ZFAT: variants seen among roughly 807,000 people sequenced by gnomAD.
ZFAT encodes the protein zinc finger protein ZFAT.
In ZFAT, 64 loss-of-function variants were observed where a neutral mutation model predicts 117.7. The observed-to-expected ratio is 0.54, with a 90% CI of 0.44 to 0.67. The LOEUF (loss-of-function observed/expected upper bound fraction) is 0.67. ZFAT is among the 30% of genes least tolerant of loss of function. The pLI, the probability that ZFAT is intolerant of heterozygous loss-of-function variation, is 0.00. For synonymous variants in ZFAT, 679 were observed against 615.0 expected, an observed-to-expected ratio of 1.10 and a Z score of -1.54; for missense variants, 1,433 against 1,584.5, an observed-to-expected ratio of 0.90 and a Z score of 1.62.
the ZFAT span, among the ~76,000 whole-genome samples, chr8:134,763,222 T>C: frequency 6.6e-6 from 1 of 152,224 alleles, no homozygotes; most frequent in African/African-American, 2.4e-5. Context: ...AAATTCCTAA[T>C]GGTTTTCTAT....
chr8:134,754,021 T>C, the ZFAT span, among the ~76,000 whole-genome samples: 7 of 152,206 alleles, frequency 4.6e-5, no homozygotes. Flanking sequence ...GTAACACAAG[T>C]GAATTGATGA....
chr8:134,669,145 C>T (rs12674636), intron 1 of ZFAT, among the ~76,000 whole-genome samples: 52,587 of 151,968 alleles, frequency 0.35, 9,466 homozygotes, highest in South Asian at 0.43. Flanking sequence ...CTGAAAGTGA[C>T]GGGGAGAATG....
the ZFAT span, among the ~76,000 whole-genome samples, chr8:134,772,676 G>C: frequency 2.0e-5 from 3 of 152,208 alleles, 1 homozygote. Context: ...CTGATGAAAA[G>C]GTGGCTACAT....
chr8:134,606,131 C>T (rs1295395005), intron 5 of ZFAT, among the ~76,000 whole-genome samples: 5 of 152,132 alleles, frequency 3.3e-5, no homozygotes, highest in Admixed American at 2.0e-4. Flanking sequence ...GAAAAGAGGC[C>T]CAGATGGCTG....
chr8:134,665,965 C>A (rs16905216), intron 1 of ZFAT, among the ~76,000 whole-genome samples: 52,537 of 151,976 alleles, frequency 0.35, 9,442 homozygotes, highest in South Asian at 0.43. Context: ...ACTCAAAATA[C>A]ACTACCTAAC....
intron 6 of ZFAT, among the ~76,000 whole-genome samples, chr8:134,600,977 T>A (rs780950988): frequency 6.6e-6 from 1 of 152,152 alleles, no homozygotes; most frequent in Non-Finnish European, 1.5e-5. Context: ...ATCTCTAAGT[T>A]CTACCGGCCC....
At chr8:134,653,835 C>T (rs1831431034) in intron 2 of ZFAT, among the ~76,000 whole-genome samples, 1 of 152,016 alleles carries the variant, frequency 6.6e-6, no homozygotes, top group African/African-American at 2.4e-5. Context: ...ATTATGATCC[C>T]ATTTTTGTTT....
At chr8:134,524,008 C>T (rs1400824486) in intron 12 of ZFAT, among the ~76,000 whole-genome samples, 1 of 152,224 alleles carries the variant, frequency 6.6e-6, no homozygotes, top group African/African-American at 2.4e-5. Flanking sequence ...TCAGGGGCAT[C>T]ATCCACTTAT....
chr8:134,733,984 TTGAAAA>T, the ZFAT span, among the ~76,000 whole-genome samples: 1 of 152,208 alleles, frequency 6.6e-6, no homozygotes, highest in Non-Finnish European at 1.5e-5. Context: ...GGGATGCATT[TTGAAAA>T]TGAGATCCCT....
intron 10 of ZFAT, among the ~76,000 whole-genome samples, chr8:134,582,463 C>T (rs542041592): frequency 3.9e-5 from 6 of 152,330 alleles, no homozygotes; most frequent in South Asian, 4.1e-4. Flanking sequence ...CTTGCCTAAA[C>T]GTTCAGGCAG....
chr8:134,538,414 A>C (rs1821997824), intron 11 of ZFAT, among the ~76,000 whole-genome samples: 1 of 152,226 alleles, frequency 6.6e-6, no homozygotes, highest in African/African-American at 2.4e-5. Context: ...ACCAGGCTTC[A>C]GCAAGTTGAG....
At chr8:134,618,693 T>C (rs1828906938) in intron 3 of ZFAT, among the ~76,000 whole-genome samples, 1 of 152,234 alleles carries the variant, frequency 6.6e-6, no homozygotes, top group African/African-American at 2.4e-5. Context: ...CACTTTCCTA[T>C]TTTCAAATTT....
intron 11 of ZFAT, among the ~76,000 whole-genome samples, chr8:134,560,384 G>T (rs1208912728): frequency 6.6e-6 from 1 of 152,106 alleles, no homozygotes; most frequent in African/African-American, 2.4e-5. Context: ...TATATATAAG[G>T]TTAGCACAAA....
At chr8:134,635,257 G>A (rs1300953510) in intron 3 of ZFAT, among the ~76,000 whole-genome samples, 1 of 152,170 alleles carries the variant, frequency 6.6e-6, no homozygotes, top group Non-Finnish European at 1.5e-5. Context: ...CTGTGCTGTT[G>A]ACTTTGAGCC....
the ZFAT span, chr8:134,785,351 C>T: frequency 6.6e-6 from 1 of 152,030 alleles, no homozygotes; most frequent in Non-Finnish European, 1.5e-5. Context: ...TTTTGTCATA[C>T]TTAAGTTTCT....
chr8:134,586,669 G>A (rs562010799), intron 9 of ZFAT, among the ~76,000 whole-genome samples: 2 of 152,206 alleles, frequency 1.3e-5, no homozygotes, highest in South Asian at 2.1e-4. Flanking sequence ...CATCGGCTAC[G>A]AATGCCTTCA....
intron 1 of ZFAT, among the ~76,000 whole-genome samples, chr8:134,693,542 C>T (rs763715027): frequency 6.1e-5 from 9 of 148,354 alleles, no homozygotes; most frequent in Non-Finnish European, 1.2e-4. Flanking sequence ...ATAATCATTT[C>T]ACAATGCATG....
At chr8:134,813,804 AC>A in the ZFAT span, among the ~76,000 whole-genome samples, 7 of 24,314 alleles carry the variant, frequency 2.9e-4, no homozygotes, top group South Asian at 1.1e-3. Context: ...GATTTTATAC[AC>A]ACACACACAC....
chr8:134,590,286 T>C lies in ZFAT; in HGVS notation c.2545A>G (p.Ile849Val). 1 of 1,613,334 alleles carries C rather than the reference T, an allele frequency of 6.2e-7. No homozygotes were observed. Among genetic ancestry groups the C allele is most frequent in the South Asian group, 1.1e-5 (1 of 91,064 alleles). Residue 849 changes from isoleucine to valine, a missense_variant, in exon 8 of 16, where the codon ATC becomes GTC. Ile to Val is a conservative substitution (Grantham distance 29). Around this residue, in one of 5 missense-constraint regions of ZFAT, gnomAD observed 503 missense variants for 543.4 expected, o/e 0.93. Transcript: ENST00000377838. ...ACCTTACCAGGATGGTTGGTCTTGATATGTGACTTTATCAATCGATCCTCT... is the reference window on the plus strand; with the variant it reads ...ACCTTACCAGGATGGTTGGTCTTGACATGTGACTTTATCAATCGATCCTCT... ...FSEDRLIKSH[I>V]KTNHPEVSMS...
Sources: allele counts gnomAD v4.1 joint callset (sites outside exome capture counted in the v4.1 genomes callset), GRCh38; gene constraint gnomAD v4.1.1; regional missense constraint gnomAD v4.1.1; transcripts MANE v1.5; gene names NCBI Gene and HGNC (gene_info 2026-07-23, HGNC 2026-07-21).